Variants in SLC24A4 observed in about 807,000 individuals in gnomAD.
SLC24A4 encodes the protein solute carrier family 24 member 4, also known as sodium/potassium/calcium exchanger 4.
In SLC24A4, 53 loss-of-function variants were observed where a neutral mutation model predicts 79.0. The observed-to-expected ratio is 0.67, with a 90% confidence interval of 0.54 to 0.84. The LOEUF is 0.84. Ranked by LOEUF, SLC24A4 falls within the 40% of genes least tolerant of loss-of-function variation. The pLI is 0.00. For synonymous variants in SLC24A4, 323 were observed against 323.8 expected (o/e 1.00, Z 0.03); for missense variants, 731 against 822.0 (o/e 0.89, Z 1.35).
At chr14:92,430,382 G>A (rs77185674) in intron 2 of SLC24A4, among the ~76,000 whole-genome samples, 13,531 of 152,288 alleles carry the variant, frequency 0.089, 614 homozygotes, top group Admixed American at 0.11. Flanking sequence ...GAGCGTCACC[G>A]TGGAGCTTTT....
Position 92,420,234 on chromosome 14 carries a change from C to T in SLC24A4, c.242-13678C>T, listed in dbSNP as rs138013615. ...CGGTGGTTCACACCTGTAATCCTAG[C>T]GCTTTGGGAGGCCAAGGCAGGTGGA... On this transcript the variant is annotated intron_variant, in intron 2 of 16. Coordinates refer to ENST00000532405, the MANE Select transcript of SLC24A4 (RefSeq NM_153646.4). 1.5e-3 allele frequency among the ~76,000 whole-genome samples: 222 copies of T among 152,320 alleles called. 4 individuals are homozygous for T. The East Asian group carries it at 0.036, about 25-fold the overall frequency.
At chr14:92,369,629 C>T (rs35778179) in intron 2 of SLC24A4, among the ~76,000 whole-genome samples, 9,502 of 152,208 alleles carry the variant, frequency 0.062, 356 homozygotes, top group Admixed American at 0.11. Flanking sequence ...AGAATAAATT[C>T]GTCGACAGTC....
chr14:92,432,084 G>T (rs1891905903), intron 2 of SLC24A4, among the ~76,000 whole-genome samples: 1 of 152,188 alleles, frequency 6.6e-6, no homozygotes. Flanking sequence ...GGGTACGGAG[G>T]ATGGTGGGGC....
intron 4 of SLC24A4, among the ~76,000 whole-genome samples, chr14:92,440,275 G>A (rs561194611): frequency 6.6e-6 from 1 of 152,294 alleles, no homozygotes; most frequent in East Asian, 1.9e-4. Flanking sequence ...CTCAGATGGA[G>A]CCATGTGCTC....
intron 10 of SLC24A4, 76 bp downstream of exon 10, chr14:92,449,292 A>G: frequency 1.5e-6 from 1 of 670,994 alleles, no homozygotes; most frequent in Admixed American, 4.3e-5. Flanking sequence ...ACACACACAC[A>G]CACACACACA....
chr14:92,433,078 G>A (rs1176584961), intron 2 of SLC24A4, among the ~76,000 whole-genome samples: 24 of 152,212 alleles, frequency 1.6e-4, no homozygotes, highest in Admixed American at 2.0e-4. Flanking sequence ...TAGGTACTGA[G>A]GATGCAATGG....
Position 92,492,272 on chromosome 14 carries a change from C to T in SLC24A4, c.1716+32C>T, listed in dbSNP as rs764528332. 4 of 1,594,210 alleles carry T rather than the reference C, an allele frequency of 2.5e-6. No homozygotes were observed. The Admixed American group carries it at 6.7e-5, about 27-fold the overall frequency. On this transcript the variant is annotated intron_variant, in intron 16 of 16. Transcript: ENST00000532405. The stretch of plus-strand genomic sequence containing the variant: ...CTTTACAATTCCAAAACAGATGCCT[C>T]ATGCATACTTGATTTCATCTGATTC...
At chr14:92,468,436 G>C (rs957563813) in intron 12 of SLC24A4, among the ~76,000 whole-genome samples, 1 of 152,140 alleles carries the variant, frequency 6.6e-6, no homozygotes, top group African/African-American at 2.4e-5. Context: ...GAAATGCAGG[G>C]GACCCAGAAT....
rs189405106 is a variant in SLC24A4 at position 92,347,418 on chromosome 14, T to C, written c.241+21440T>C. ...CAAAATAACAGTGAGGAAGGGATGA[T>C]GCATTTTATTAGGTAGTGAGATTCT... On this transcript the variant is annotated intron_variant, in intron 2 of 16. Coordinates refer to ENST00000532405, the MANE Select transcript of SLC24A4 (RefSeq NM_153646.4). 9.9e-4 allele frequency among the ~76,000 whole-genome samples: 151 copies of C among 152,338 alleles called. No homozygotes were observed. In the South Asian group the frequency reaches 0.018, roughly 18 times the overall value.
chr14:92,365,269 C>T (rs1887762744), intron 2 of SLC24A4, among the ~76,000 whole-genome samples: 1 of 152,262 alleles, frequency 6.6e-6, no homozygotes, highest in South Asian at 2.1e-4. Flanking sequence ...GAATTCACCT[C>T]ACCAGGCGAT....
At position 92,398,429 on chromosome 14, in the gene SLC24A4, A is replaced by C. The variant is rs941427308; in HGVS notation, c.242-35483A>C. On this transcript the variant is annotated intron_variant, in intron 2 of 16. Transcript: ENST00000532405. This position sits in a 1 kb window ranked among gnomAD's most constrained non-coding sequence, Gnocchi z 4.1. Reference sequence around the variant, plus strand: ...AGTGGGCATGGGAGAACCGTTTGAGAGGAAGAATGGGTAAGACTATTGGAG... The same window carrying C: ...AGTGGGCATGGGAGAACCGTTTGAGCGGAAGAATGGGTAAGACTATTGGAG... Among the ~76,000 whole-genome samples, 1 of 152,158 alleles carries C rather than the reference A, an allele frequency of 6.6e-6. No individual in the cohort carries two copies. The highest frequency in any genetic ancestry group is 2.4e-5 in the African/African-American group (1 of 41,440).
chr14:92,489,110 T>C (rs936260025), intron 14 of SLC24A4, among the ~76,000 whole-genome samples: 2 of 152,120 alleles, frequency 1.3e-5, no homozygotes, highest in East Asian at 1.9e-4. Context: ...GTAACATTGA[T>C]ATGATTGACA....
In SLC24A4 at chr14:92,492,224, G is replaced by A. The variant is rs1418353912; in HGVS notation, c.1700G>A (p.Gly567Asp). ...GTCTATTCCGTGGTCCTGTTGCTGG[G>A]CTCTGTCGCTCTCACCGTGAGTCTT... is the stretch of plus-strand genomic sequence containing the variant. ...GLVYSVVLLL[G>D]SVALTVLGIH... Residue 567 changes from glycine (G) to aspartate (D), a missense_variant, in exon 16 of 17, where the codon GGC becomes GAC. Coordinates refer to ENST00000532405, the MANE Select transcript of SLC24A4 (RefSeq NM_153646.4). 16 of 1,613,946 alleles carry A rather than the reference G, an allele frequency of 9.9e-6. No homozygotes were observed. The highest frequency in any genetic ancestry group is 1.4e-5 in the Non-Finnish European group (16 of 1,179,990).
chr14:92,432,455 A>G (rs1209341300), intron 2 of SLC24A4, among the ~76,000 whole-genome samples: 2 of 152,240 alleles, frequency 1.3e-5, no homozygotes, highest in Non-Finnish European at 2.9e-5. Flanking sequence ...TCGAATTTTC[A>G]TGACAGAAAT....
rs144285414 is a variant in SLC24A4, at chr14:92,345,532, G to C, written c.241+19554G>C. 3.7e-3 allele frequency among the ~76,000 whole-genome samples: 562 copies of C among 152,174 alleles called. 8 individuals are homozygous for C. The highest frequency in any genetic ancestry group is 0.013 in the African/African-American group (524 of 41,518). ...CCTGGTCAATATGGTGAAACTATAT[G>C]TCTACTAAAAATACAAAAAATTAGC... is the stretch of plus-strand genomic sequence containing the variant. On this transcript the variant is annotated intron_variant, in intron 2 of 16. Transcript: ENST00000532405.
At chr14:92,407,512 A>G (rs1374538848) in intron 2 of SLC24A4, among the ~76,000 whole-genome samples, 3 of 152,220 alleles carry the variant, frequency 2.0e-5, no homozygotes, top group African/African-American at 7.2e-5. Context: ...TTTATGAAGA[A>G]AAGAGATTTA....
intron 2 of SLC24A4, among the ~76,000 whole-genome samples, chr14:92,381,422 G>A (rs1888840486): frequency 6.6e-6 from 1 of 152,094 alleles, no homozygotes; most frequent in Non-Finnish European, 1.5e-5. Context: ...CATACCCTGG[G>A]GCCTGTCAGG....
Position 92,439,391 on chromosome 14 carries a change from T to C in SLC24A4, c.375T>C (p.Ser125=). 1.2e-6 allele frequency: 2 copies of C among 1,612,894 alleles called. No homozygotes were observed. Among genetic ancestry groups the C allele is most frequent in the Non-Finnish European group, 1.7e-6 (2 of 1,178,984 alleles). Residue 125 remains serine (S), a synonymous_variant, in exon 4 of 17, where the codon TCT becomes TCC. Transcript: ENST00000532405. ...AIVCDDFFVP[S]LEKICERLHL... is the part of the protein sequence containing the mutation. ...TGTGCGATGACTTCTTTGTTCCGTC[T>C]CTAGAGAAGATCTGTGAGGTATGTG...
At chr14:92,488,116 G>C (rs1211850110) in intron 14 of SLC24A4, among the ~76,000 whole-genome samples, 1 of 145,860 alleles carries the variant, frequency 6.9e-6, no homozygotes, top group Non-Finnish European at 1.5e-5. Flanking sequence ...CTGTCACCCA[G>C]GCTGGAGTAC....
Sources: gnomAD v4.1 joint callset for allele counts (sites outside exome capture counted in the v4.1 genomes callset) on GRCh38, gnomAD v4.1.1 for gene constraint, Gnocchi (gnomAD v3.1) non-coding constraint, MANE v1.5 for transcripts, NCBI Gene and HGNC (gene_info 2026-07-23, HGNC 2026-07-21) for gene names.